The following RBL1 variants were observed in gnomAD, a reference collection of about 807,000 sequenced individuals.
The protein encoded by RBL1 is retinoblastoma-like protein 1.
RBL1 carries 82 observed loss-of-function variants against 123.0 expected under a neutral mutation model. The observed-to-expected ratio is 0.67, with a 90% CI of 0.56 to 0.80. The LOEUF (loss-of-function observed/expected upper bound fraction) is 0.80, where lower values mean the gene tolerates loss of function less well. RBL1 is among the 30% of genes least tolerant of loss of function. The pLI, the probability that RBL1 is intolerant of heterozygous loss-of-function variation, is 0.00. For synonymous variants in RBL1, 405 were observed against 441.3 expected, an observed-to-expected ratio of 0.92 and a Z score of 1.03; for missense variants, 1,171 against 1,299.6, an observed-to-expected ratio of 0.90 and a Z score of 1.52.
intron 19 of RBL1, among the ~76,000 whole-genome samples, chr20:37,017,620 T>TGTGTGTGTGTGTG (rs1600471145): frequency 5.7e-4 from 80 of 139,808 alleles, no homozygotes; most frequent in African/African-American, 2.0e-3. Flanking sequence ...GGACATTTTC[T>TGTGTGTGTGTGTG]TGTGTGTGTG....
intron 7 of RBL1, among the ~76,000 whole-genome samples, chr20:37,064,526 T>G (rs985561152): frequency 1.3e-5 from 2 of 152,130 alleles, no homozygotes; most frequent in African/African-American, 2.4e-5. Flanking sequence ...AGAGGATTGC[T>G]TGAGGCCAGG....
chr20:36,997,011 T>A lies in RBL1; in HGVS notation c.*1748A>T, dbSNP rs1352841330. ...AGTGACGGCCAAATCTTAGACTATT[T>A]TAAATTAGCCATGGTTAAACATAGG... On this transcript the variant is annotated 3_prime_UTR_variant, in exon 22 of 22. Transcript: ENST00000373664. 1 of 152,196 alleles carries A rather than the reference T, an allele frequency of 6.6e-6. No homozygotes were observed. Among genetic ancestry groups the A allele is most frequent in the Non-Finnish European group, 1.5e-5 (1 of 68,028 alleles). The allele number at this position is 152,196 out of a possible 1,614,324, so 9.4% of individuals were successfully genotyped here.
rs899347487 is a variant in RBL1, at chr20:36,999,935, G to A, written c.3037-1006C>T. On this transcript the variant is annotated intron_variant, in intron 21 of 21. Coordinates refer to ENST00000373664, the MANE Select transcript of RBL1 (RefSeq NM_002895.5). ...CCACCCCGTCTGGGAAGTGAGGAGC[G>A]TCTCTGCCTGGCCGCCCATCGTCTG... is the stretch of plus-strand genomic sequence containing the variant. Among the ~76,000 whole-genome samples the A allele has an allele frequency of 2.4e-4, 36 of 151,520 alleles. 1 individual carries two copies. Among genetic ancestry groups the A allele is most frequent in the African/African-American group, 7.0e-4 (29 of 41,284 alleles).
intron 2 of RBL1, among the ~76,000 whole-genome samples, chr20:37,068,573 G>T (rs1279649847): frequency 6.6e-6 from 1 of 151,896 alleles, no homozygotes. Context: ...TCGTTCCCAG[G>T]ATCACCAGGG....
Position 37,095,994 on chromosome 20 carries a change from C to A in RBL1, c.-66G>T. The A allele has an allele frequency of 7.8e-7, 1 of 1,281,830 alleles. No homozygotes were observed. Among genetic ancestry groups the A allele is most frequent in the South Asian group, 1.6e-5 (1 of 61,056 alleles). 79.4% of individuals were successfully genotyped at this position (1,281,830 alleles called of 1,614,324 possible). ...TCTTTCTCCCTCCCAGGCGCGCTAC[C>A]CACAACCACCTGCGCCAAAGCGCGC... On this transcript the variant is annotated 5_prime_UTR_variant, in exon 1 of 22. Coordinates refer to ENST00000373664, the MANE Select transcript of RBL1 (RefSeq NM_002895.5).
intron 21 of RBL1, 111 bp from the exon 22 acceptor site, chr20:36,999,040 A>G (rs2063921617): frequency 9.9e-7 from 1 of 1,011,950 alleles, no homozygotes; most frequent in Admixed American, 2.5e-5. Context: ...AAATCTTAAC[A>G]CTGGGATAAG....
intron 12 of RBL1, among the ~76,000 whole-genome samples, chr20:37,045,385 C>T (rs1380214389): frequency 2.0e-5 from 3 of 151,848 alleles, no homozygotes; most frequent in African/African-American, 7.3e-5. Flanking sequence ...GGATTATAGG[C>T]ATGAGCCACC....
intron 2 of RBL1, among the ~76,000 whole-genome samples, chr20:37,082,465 AC>A (rs2065468263): frequency 6.6e-6 from 1 of 151,468 alleles, no homozygotes; most frequent in Admixed American, 6.6e-5. Flanking sequence ...TCCACCACCA[AC>A]ACCATACACA....
At chr20:37,046,411 T>G (rs1356027567) in intron 12 of RBL1, among the ~76,000 whole-genome samples, 4 of 152,098 alleles carry the variant, frequency 2.6e-5, no homozygotes, top group Non-Finnish European at 5.9e-5. Context: ...CTCTTTTTTT[T>G]TCTTTGAAAC....
At chr20:37,012,549 G>C (rs1306153842) in intron 19 of RBL1, among the ~76,000 whole-genome samples, 3 of 145,824 alleles carry the variant, frequency 2.1e-5, no homozygotes, top group Non-Finnish European at 4.5e-5. Flanking sequence ...GCCTCTACCC[G>C]GCCGCGACCC....
At chr20:37,035,758 C>T (rs1044043405) in intron 14 of RBL1, among the ~76,000 whole-genome samples, 4 of 152,106 alleles carry the variant, frequency 2.6e-5, no homozygotes, top group African/African-American at 7.2e-5. Flanking sequence ...ATTAAAGGAG[C>T]AAAACATTAA....
intron 2 of RBL1, among the ~76,000 whole-genome samples, chr20:37,079,839 T>A (rs1470815260): frequency 6.6e-6 from 1 of 152,174 alleles, no homozygotes; most frequent in African/African-American, 2.4e-5. Flanking sequence ...GAAGTTTACG[T>A]AAAATTGTCC....
chr20:37,014,466 G>C lies in RBL1; in HGVS notation c.2722+3813C>G, dbSNP rs6103221. 5.5e-3 allele frequency among the ~76,000 whole-genome samples: 833 copies of C among 152,162 alleles called. 8 individuals carry two copies. Among genetic ancestry groups the C allele is most frequent in the African/African-American group, 0.019 (772 of 41,502 alleles). ...ACCACTGTACAGGATCTGTAACAAT[G>C]GTTGTTTGCTTACTTGCTAATAAAT... On this transcript the variant is annotated intron_variant, in intron 19 of 21. Coordinates refer to ENST00000373664, the MANE Select transcript of RBL1 (RefSeq NM_002895.5).
At chr20:37,078,579 G>A (rs1210834771) in intron 2 of RBL1, among the ~76,000 whole-genome samples, 1 of 152,166 alleles carries the variant, frequency 6.6e-6, no homozygotes, top group Admixed American at 6.5e-5. Context: ...AGCTGTTCCA[G>A]ATGCATCAGA....
chr20:37,007,611 G>C (rs2064095457), intron 19 of RBL1, 52 bp from the exon 20 acceptor site: 1 of 1,575,634 alleles, frequency 6.3e-7, no homozygotes, highest in Non-Finnish European at 8.6e-7. Context: ...TTATTTTTTT[G>C]AGACAGGGTC....
At chr20:37,067,347 A>C in intron 3 of RBL1, 50 bp from the exon 4 acceptor site, 7 of 1,318,398 alleles carry the variant, frequency 5.3e-6, no homozygotes, top group Non-Finnish European at 7.4e-6. Context: ...GCTAAATATC[A>C]TGTAAACTGA....
intron 12 of RBL1, among the ~76,000 whole-genome samples, chr20:37,045,398 G>A (rs2064805261): frequency 1.3e-5 from 2 of 151,846 alleles, no homozygotes; most frequent in South Asian, 2.1e-4. Flanking sequence ...GAGCCACCGT[G>A]CCTGGCCCAC....
At chr20:37,012,422 C>A (rs1177462185) in intron 19 of RBL1, among the ~76,000 whole-genome samples, 2 of 151,218 alleles carry the variant, frequency 1.3e-5, no homozygotes, top group Non-Finnish European at 2.9e-5. Flanking sequence ...AAGTGAGGAG[C>A]GCCTCTTCCC....
chr20:37,057,078 C>T (rs187597386), intron 9 of RBL1, among the ~76,000 whole-genome samples: 1 of 152,114 alleles, frequency 6.6e-6, no homozygotes, highest in East Asian at 1.9e-4. Flanking sequence ...CACACACATA[C>T]ACCCACAGCA....
Sources: gnomAD v4.1 joint callset for allele counts (sites outside exome capture counted in the v4.1 genomes callset) on GRCh38, gnomAD v4.1.1 for gene constraint, MANE v1.5 for transcripts, NCBI Gene and HGNC (gene_info 2026-07-23, HGNC 2026-07-21) for gene names.